LNX2: variants seen among roughly 807,000 people sequenced by gnomAD.
The protein encoded by LNX2 is ligand of Numb protein X 2.
Under a neutral mutation model 66.2 loss-of-function variants are expected in LNX2, and 35 were observed. The observed-to-expected ratio is 0.53, with a 90% confidence interval of 0.40 to 0.70. LNX2 has a LOEUF of 0.70. Among genes scored for constraint, LNX2 ranks in the 30% least tolerant of loss-of-function variants. The probability of loss-of-function intolerance (pLI) is 0.00; values close to 1 mark genes in which losing one functional copy is unlikely to be tolerated. For synonymous variants in LNX2, 337 were observed against 315.6 expected, an observed-to-expected ratio of 1.07 and a Z score of -0.72; for missense variants, 791 against 850.8, an observed-to-expected ratio of 0.93 and a Z score of 0.87.
chr13:27,616,432 G>T (rs980870581), intron 1 of LNX2, among the ~76,000 whole-genome samples: 1 of 152,112 alleles, frequency 6.6e-6, no homozygotes, highest in African/African-American at 2.4e-5. Flanking sequence ...TGTCAGAGAG[G>T]TATAACAAGT....
intron 3 of LNX2, 115 bp from the exon 4 acceptor site, chr13:27,567,954 G>T (rs1955227087): frequency 1.2e-6 from 1 of 813,246 alleles, no homozygotes; most frequent in Non-Finnish European, 2.1e-6. Flanking sequence ...ATGATTAACA[G>T]CTAAGCAGTA....
At position 27,569,104 on chromosome 13, in the gene LNX2, A is replaced by C. The variant is rs1277611609; in HGVS notation, c.580T>G (p.Ser194Ala). The C allele has an allele frequency of 3.1e-6, 5 of 1,613,256 alleles. No individual in the cohort carries two copies. In the East Asian group the frequency reaches 1.1e-4, roughly 36 times the overall value. The change falls in exon 3 of 10, where the codon TCA (serine) becomes GCA (alanine). Residue 194 changes from serine (S) to alanine (A), a missense_variant. Transcript: ENST00000316334. ...GAVPVERHLT[S>A]ASLSTWSEEP... ...TCACTCCATGTGGAAAGAGACGCTG[A>C]TGTCAAGTGCCGCTCCACAGGCACT...
chr13:27,591,953 T>C (rs1031657104), intron 1 of LNX2, among the ~76,000 whole-genome samples: 4 of 152,184 alleles, frequency 2.6e-5, no homozygotes, highest in Non-Finnish European at 4.4e-5. Flanking sequence ...AAATGTCTGT[T>C]ACAGGCAAAT....
intron 1 of LNX2, among the ~76,000 whole-genome samples, chr13:27,595,275 T>C (rs1246738628): frequency 2.0e-5 from 3 of 152,184 alleles, no homozygotes; most frequent in Non-Finnish European, 4.4e-5. Context: ...AAGCTCTCAC[T>C]ATGTCCCTTC....
At chr13:27,553,097 G>C in intron 8 of LNX2, 111 bp downstream of exon 8, 3 of 876,004 alleles carry the variant, frequency 3.4e-6, no homozygotes, top group Non-Finnish European at 5.3e-6. Flanking sequence ...CTATTTTACT[G>C]AATTAAAGCT....
chr13:27,546,442 C>A lies in LNX2; in HGVS notation c.*1893G>T, dbSNP rs1382080121. The stretch of plus-strand genomic sequence containing the variant: ...ACTGCTTCCAAAGCCAATCATCACA[C>A]AACAGTAATATACTGTATGGGCCAT... On this transcript the variant is annotated 3_prime_UTR_variant, in exon 10 of 10. Transcript: ENST00000316334. The A allele has an allele frequency of 6.6e-6, 1 of 152,162 alleles. No homozygotes were observed. Among genetic ancestry groups the A allele is most frequent in the Non-Finnish European group, 1.5e-5 (1 of 68,018 alleles). The allele number at this position is 152,162 out of a possible 1,614,324, so 9.4% of individuals were successfully genotyped here. A position where few individuals can be genotyped will look rare whatever the true frequency, so the allele number is the denominator to read the frequency against.
At chr13:27,553,563 AT>A (rs1955028768) in intron 7 of LNX2, 124 bp from the exon 8 acceptor site, 1 of 624,804 alleles carries the variant, frequency 1.6e-6, no homozygotes, top group African/African-American at 1.8e-5. Context: ...AGGTATAATA[AT>A]AAATGGCATT....
chr13:27,601,580 T>C (rs1299841417), intron 1 of LNX2, among the ~76,000 whole-genome samples: 11 of 152,192 alleles, frequency 7.2e-5, no homozygotes, highest in Admixed American at 5.9e-4. Context: ...CATAAGCTCA[T>C]AAATATCACT....
At chr13:27,599,996 T>A (rs7991072) in intron 1 of LNX2, among the ~76,000 whole-genome samples, 90,800 of 151,986 alleles carry the variant, frequency 0.6, 28,959 homozygotes, top group African/African-American at 0.83. Flanking sequence ...AACCACTTTA[T>A]CTTGTTTTCC....
intron 8 of LNX2, among the ~76,000 whole-genome samples, chr13:27,552,584 TCAAA>T (rs1955018868): frequency 6.9e-6 from 1 of 145,980 alleles, no homozygotes. Context: ...ATCTCAAATG[TCAAA>T]CAACAACCGC....
In LNX2 at chr13:27,547,037, A is replaced by G. The variant is rs989064051; in HGVS notation, c.*1298T>C. 5.3e-5 allele frequency: 8 copies of G among 152,220 alleles called. No homozygotes were observed. The highest frequency in any genetic ancestry group is 1.9e-4 in the African/African-American group (8 of 41,470). The allele number at this position is 152,220 out of a possible 1,614,324, so 9.4% of individuals were successfully genotyped here. A position where few individuals can be genotyped will look rare whatever the true frequency, so the allele number is the denominator to read the frequency against. On this transcript the variant is annotated 3_prime_UTR_variant, in exon 10 of 10. Coordinates refer to ENST00000316334, the MANE Select transcript of LNX2 (RefSeq NM_153371.4). Reference sequence around the variant, plus strand: ...CTTGAAACAACTAATCTCATAAGAAATAATGGGAAAAATAATTGTTTCTAA... The same window carrying G: ...CTTGAAACAACTAATCTCATAAGAAGTAATGGGAAAAATAATTGTTTCTAA...
intron 1 of LNX2, among the ~76,000 whole-genome samples, chr13:27,588,937 G>A (rs1249016448): frequency 2.0e-5 from 3 of 152,076 alleles, no homozygotes; most frequent in Non-Finnish European, 4.4e-5. Context: ...TTTTTAATCT[G>A]TCATGAGCTC....
At chr13:27,574,597 A>G (rs548881157) in intron 2 of LNX2, among the ~76,000 whole-genome samples, 38 of 152,302 alleles carry the variant, frequency 2.5e-4, no homozygotes, top group Admixed American at 2.0e-4. Flanking sequence ...ACATATACAT[A>G]ATGAGAGTTC....
Position 27,548,017 on chromosome 13 carries a change from C to CAGA in LNX2, c.*315_*317dup. On this transcript the variant is annotated 3_prime_UTR_variant, in exon 10 of 10. Coordinates refer to ENST00000316334, the MANE Select transcript of LNX2 (RefSeq NM_153371.4). ...TCAGTTACTGAAAACAAAGACCCAC[C>CAGA]AGAAGGTCTTTACTCCATCTGGGGC... The CAGA allele has an allele frequency of 3.5e-6, 1 of 284,266 alleles. No homozygotes were observed. The highest frequency in any genetic ancestry group is 6.6e-6 in the Non-Finnish European group (1 of 150,956). 17.6% of individuals were successfully genotyped at this position (284,266 alleles called of 1,614,324 possible).
Position 27,579,727 on chromosome 13 carries a change from G to A in LNX2, c.407+1570C>T, listed in dbSNP as rs547886440. On this transcript the variant is annotated intron_variant, in intron 2 of 9. Coordinates refer to ENST00000316334, the MANE Select transcript of LNX2 (RefSeq NM_153371.4). ...TCAGTTCCTCTAACATCTCATAACT[G>A]ATGTTTAGAAAAGAAGCCTATACAC... Among the ~76,000 whole-genome samples, 27 of 152,186 alleles carry A rather than the reference G, an allele frequency of 1.8e-4. No homozygotes were observed. In the East Asian group the frequency reaches 4.6e-3, roughly 26 times the overall value.
intron 1 of LNX2, among the ~76,000 whole-genome samples, chr13:27,602,443 T>A (rs540147295): frequency 6.6e-6 from 1 of 152,302 alleles, no homozygotes; most frequent in East Asian, 1.9e-4. Context: ...TTTTGACTAT[T>A]CTAGAGTATC....
At chr13:27,555,873 T>G (rs542845787) in intron 7 of LNX2, among the ~76,000 whole-genome samples, 1 of 152,178 alleles carries the variant, frequency 6.6e-6, no homozygotes, top group Non-Finnish European at 1.5e-5. Context: ...CTGCTCCACC[T>G]CCTCTCTGAG....
At chr13:27,563,415 A>AG (rs1955166229) in intron 4 of LNX2, among the ~76,000 whole-genome samples, 1 of 152,228 alleles carries the variant, frequency 6.6e-6, no homozygotes. Context: ...TTGGTGCAAA[A>AG]GTAATTACGG....
chr13:27,581,890 CT>C (rs35922655), intron 1 of LNX2, 87 bp from the exon 2 acceptor site: 178,646 of 405,812 alleles, frequency 0.44, 40,400 homozygotes, highest in African/African-American at 0.53. Context: ...TACTGGTTAG[CT>C]TTTTTTAGTA....
Sources: gnomAD v4.1 joint callset for allele counts (sites outside exome capture counted in the v4.1 genomes callset) on GRCh38, gnomAD v4.1.1 for gene constraint, MANE v1.5 for transcripts, NCBI Gene and HGNC (gene_info 2026-07-23, HGNC 2026-07-21) for gene names.